The following TXNRD3 variants were observed in gnomAD, a reference collection of about 807,000 sequenced individuals.
The protein encoded by TXNRD3 is TXNRD3 neighbor gene protein.
Under a neutral mutation model 78.2 loss-of-function variants are expected in TXNRD3, and 68 were observed. The ratio of observed to expected loss-of-function variants is 0.87; its 90% CI spans 0.72 to 1.06. The LOEUF is 1.06. Ranked by LOEUF, TXNRD3 falls within the 50% of genes least tolerant of loss-of-function variation. The probability of loss-of-function intolerance (pLI) is 0.00; values close to 1 mark genes in which losing one functional copy is unlikely to be tolerated. For synonymous variants in TXNRD3, 296 were observed against 300.1 expected (o/e 0.99, Z 0.14); for missense variants, 751 against 809.5 (o/e 0.93, Z 0.88).
At chr3:126,627,408 G>A (rs1329452626) in intron 10 of TXNRD3, among the ~76,000 whole-genome samples, 3 of 152,172 alleles carry the variant, frequency 2.0e-5, no homozygotes, top group Non-Finnish European at 2.9e-5. Flanking sequence ...GTCGATGACT[G>A]GGAAAAAGCA....
At chr3:126,633,634 CTTAGT>C (rs1202080287) in intron 7 of TXNRD3, among the ~76,000 whole-genome samples, 1 of 152,102 alleles carries the variant, frequency 6.6e-6, no homozygotes, top group African/African-American at 2.4e-5. Flanking sequence ...CTTTGAACTA[CTTAGT>C]TTAAACATGT....
intron 12 of TXNRD3, among the ~76,000 whole-genome samples, chr3:126,615,667 C>G (rs1450677146): frequency 1.3e-5 from 2 of 152,178 alleles, no homozygotes; most frequent in African/African-American, 4.8e-5. Context: ...CACACACTGG[C>G]TAGCCACCAA....
At chr3:126,632,039 G>C (rs1205591805) in intron 7 of TXNRD3, among the ~76,000 whole-genome samples, 160 bp from the exon 8 acceptor site, 1 of 152,216 alleles carries the variant, frequency 6.6e-6, no homozygotes, top group Non-Finnish European at 1.5e-5. Context: ...ACAGAAAACA[G>C]AAGTCTTTAT....
At chr3:126,628,480 T>C (rs1396654899) in intron 10 of TXNRD3, among the ~76,000 whole-genome samples, 1 of 152,102 alleles carries the variant, frequency 6.6e-6, no homozygotes, top group South Asian at 2.1e-4. Context: ...GCAAGATTAC[T>C]GAATACTAAA....
chr3:126,644,290 T>C lies in TXNRD3; in HGVS notation c.519+7A>G. 2.0e-6 allele frequency: 3 copies of C among 1,534,286 alleles called. No individual in the cohort carries two copies. The highest frequency in any genetic ancestry group is 2.6e-6 in the Non-Finnish European group (3 of 1,145,140). ...ATTATCTACGAGTTTCATTTCTATA[T>C]TCATACCTTCGCACATGAAAGGCCT... On this transcript the variant is annotated splice_region_variant and intron_variant, in intron 4 of 15. Coordinates refer to ENST00000524230, the MANE Select transcript of TXNRD3 (RefSeq NM_052883.3).
chr3:126,630,312 A>G (rs527748693), intron 9 of TXNRD3, among the ~76,000 whole-genome samples: 13 of 152,390 alleles, frequency 8.5e-5, no homozygotes, highest in Non-Finnish European at 1.6e-4. Context: ...TCAAGAAATT[A>G]GAAGCAGCAT....
intron 8 of TXNRD3, 104 bp downstream of exon 8, chr3:126,631,660 G>T (rs1479751629): frequency 2.4e-5 from 17 of 714,942 alleles, no homozygotes; most frequent in Non-Finnish European, 3.4e-5. Flanking sequence ...ATTTTCATTT[G>T]TTAATTCAAA....
chr3:126,621,126 A>G (rs1378338277), intron 12 of TXNRD3, among the ~76,000 whole-genome samples: 4 of 152,214 alleles, frequency 2.6e-5, no homozygotes, highest in African/African-American at 9.6e-5. Flanking sequence ...TCAATTTTGA[A>G]TTACTCATCC....
In TXNRD3 at chr3:126,621,761, A is replaced by G; in HGVS notation, c.1505T>C (p.Phe502Ser). ...ACTTACCTTTTCTAAAGAGGCCCCAAAAAGTCTCTGAGCTAGCAGCTTGCC... is the reference window on the plus strand; with the variant it reads ...ACTTACCTTTTCTAAAGAGGCCCCAGAAAGTCTCTGAGCTAGCAGCTTGCC... The change falls in exon 12 of 16, where the codon TTT becomes TCT. Residue 502 changes from phenylalanine to serine, a missense_variant. Phe to Ser is a radical substitution (Grantham distance 155). Transcript: ENST00000524230. 1 of 1,515,866 alleles carries G rather than the reference A, an allele frequency of 6.6e-7. No homozygotes were observed. The highest frequency in any genetic ancestry group is 8.8e-7 in the Non-Finnish European group (1 of 1,141,354). The allele number at this position is 1,515,866 out of a possible 1,614,324, so 93.9% of individuals were successfully genotyped here.
intron 5 of TXNRD3, 55 bp from the exon 6 acceptor site, chr3:126,642,206 G>T: frequency 1.3e-6 from 2 of 1,491,076 alleles, no homozygotes; most frequent in Non-Finnish European, 1.8e-6. Context: ...TCACACATCT[G>T]CAATCATATT....
intron 13 of TXNRD3, among the ~76,000 whole-genome samples, chr3:126,611,402 G>C (rs1576278994): frequency 6.6e-6 from 1 of 152,296 alleles, no homozygotes; most frequent in Non-Finnish European, 1.5e-5. Flanking sequence ...AACATGTATA[G>C]AGTACCAGCA....
At chr3:126,620,712 A>T (rs554197498) in intron 12 of TXNRD3, among the ~76,000 whole-genome samples, 12 of 152,336 alleles carry the variant, frequency 7.9e-5, no homozygotes, top group African/African-American at 2.6e-4. Context: ...CCTACTGCCT[A>T]GAGAAGGCCC....
intron 12 of TXNRD3, among the ~76,000 whole-genome samples, chr3:126,621,004 C>T (rs1439245087): frequency 1.3e-5 from 2 of 152,166 alleles, no homozygotes; most frequent in East Asian, 3.8e-4. Flanking sequence ...GCAGTACTTC[C>T]CCAGCTGAAA....
intron 14 of TXNRD3, among the ~76,000 whole-genome samples, chr3:126,608,917 T>C (rs1212318455): frequency 2.6e-5 from 4 of 152,146 alleles, no homozygotes; most frequent in Non-Finnish European, 4.4e-5. Flanking sequence ...ATTTCCAAAT[T>C]ATGCTGAGAC....
chr3:126,638,789 A>T (rs1441279880), intron 6 of TXNRD3, among the ~76,000 whole-genome samples: 1 of 152,196 alleles, frequency 6.6e-6, no homozygotes, highest in Admixed American at 6.5e-5. Flanking sequence ...TGAGGAAGCT[A>T]ATTATAAGAT....
At chr3:126,612,276 G>A (rs1220276676) in intron 13 of TXNRD3, among the ~76,000 whole-genome samples, 1 of 152,100 alleles carries the variant, frequency 6.6e-6, no homozygotes, top group Non-Finnish European at 1.5e-5. Flanking sequence ...AAGCTCAAGT[G>A]ACCCACCTGC....
chr3:126,644,823 T>C (rs768132812), intron 3 of TXNRD3, among the ~76,000 whole-genome samples: 10 of 152,356 alleles, frequency 6.6e-5, no homozygotes, highest in Non-Finnish European at 1.5e-4. Context: ...GCAAATTTTG[T>C]CATGGCTTCT....
chr3:126,608,044 T>C (rs1003931705), intron 15 of TXNRD3, 71 bp from the exon 16 acceptor site: 20 of 1,145,224 alleles, frequency 1.7e-5, no homozygotes, highest in Middle Eastern at 2.1e-4. Context: ...ATTCTGAATA[T>C]TATATTTATG....
intron 1 of TXNRD3, among the ~76,000 whole-genome samples, chr3:126,654,441 A>G (rs1046919908): frequency 8.5e-5 from 13 of 152,252 alleles, no homozygotes; most frequent in Non-Finnish European, 1.8e-4. Flanking sequence ...GGCAGTGTGC[A>G]TGAAGCTGAA....
Sources: gnomAD v4.1 joint callset for allele counts (sites outside exome capture counted in the v4.1 genomes callset) on GRCh38, gnomAD v4.1.1 for gene constraint, MANE v1.5 for transcripts, NCBI Gene and HGNC (gene_info 2026-07-23, HGNC 2026-07-21) for gene names.